The following GLRA1 variants were observed in gnomAD, a reference collection of about 807,000 sequenced individuals.
GLRA1 encodes the protein glycine receptor alpha 1, also known as glycine receptor subunit alpha-1.
A neutral mutation model predicts 48.3 loss-of-function variants in GLRA1; 37 were observed. The observed-to-expected ratio is 0.77, with a 90% confidence interval of 0.59 to 1.01. The LOEUF is 1.01. Ranked by LOEUF, GLRA1 falls within the 50% of genes least tolerant of loss-of-function variation. The pLI is 0.00. For missense variants in GLRA1, 427 were observed against 571.0 expected (o/e 0.75, Z 2.57); for synonymous variants, 196 against 210.7 (o/e 0.93, Z 0.60).
chr5:151,894,718 G>GTGAA (rs1326856654), intron 1 of GLRA1, among the ~76,000 whole-genome samples: 6 of 152,170 alleles, frequency 3.9e-5, no homozygotes, highest in Non-Finnish European at 7.3e-5. Flanking sequence ...TAATTGCACA[G>GTGAA]TGAATGAATG....
At chr5:151,899,829 G>A (rs768199218) in intron 1 of GLRA1, among the ~76,000 whole-genome samples, 1 of 152,050 alleles carries the variant, frequency 6.6e-6, no homozygotes, top group Non-Finnish European at 1.5e-5. Flanking sequence ...TCACCTCAGG[G>A]TCTTATGGAA....
At chr5:151,840,730 GAAA>G (rs1259146256) in intron 7 of GLRA1, among the ~76,000 whole-genome samples, 1 of 97,672 alleles carries the variant, frequency 1.0e-5, no homozygotes. Flanking sequence ...ACCAACATCA[GAAA>G]AAAAAAAAAC....
At chr5:151,838,481 G>C (rs907122359) in intron 7 of GLRA1, among the ~76,000 whole-genome samples, 3 of 151,924 alleles carry the variant, frequency 2.0e-5, no homozygotes, top group Admixed American at 2.0e-4. Flanking sequence ...AAAAAGAAAT[G>C]ATAAAGAAGA....
At chr5:151,920,780 G>A (rs1490316678) in intron 1 of GLRA1, among the ~76,000 whole-genome samples, 4 of 152,124 alleles carry the variant, frequency 2.6e-5, no homozygotes, top group Admixed American at 1.3e-4. Context: ...TCCTAGGCAC[G>A]TTCTGCAGTG....
At chr5:151,884,650 C>CT (rs758268220) in intron 3 of GLRA1, among the ~76,000 whole-genome samples, 54 of 152,106 alleles carry the variant, frequency 3.6e-4, no homozygotes, top group Non-Finnish European at 7.2e-4. Context: ...CTATATCTTT[C>CT]TTTTTTAGGA....
chr5:151,873,540 A>G (rs563436751), intron 3 of GLRA1, among the ~76,000 whole-genome samples: 1 of 151,918 alleles, frequency 6.6e-6, no homozygotes, highest in Non-Finnish European at 1.5e-5. Flanking sequence ...CACACCTGTA[A>G]TCCCAGCTAC....
intron 1 of GLRA1, among the ~76,000 whole-genome samples, chr5:151,919,279 A>C (rs1042133265): frequency 6.6e-6 from 1 of 152,238 alleles, no homozygotes; most frequent in African/African-American, 2.4e-5. Context: ...AAAACAAAAA[A>C]CAAAAACATA....
At chr5:151,909,986 T>G (rs1325264190) in intron 1 of GLRA1, among the ~76,000 whole-genome samples, 2 of 152,152 alleles carry the variant, frequency 1.3e-5, no homozygotes, top group African/African-American at 4.8e-5. Flanking sequence ...GTATGTACCA[T>G]CCATCACGTT....
At position 151,886,793 on chromosome 5, in the gene GLRA1, C is replaced by A. The variant is rs1753918346; in HGVS notation, c.185-5G>T. 1 of 1,608,968 alleles carries A rather than the reference C, an allele frequency of 6.2e-7. No homozygotes were observed. Among genetic ancestry groups the A allele is most frequent in the Non-Finnish European group, 8.5e-7 (1 of 1,175,310 alleles). ...AGCTCACGTTCACTGGGGGACCTGC[C>A]AATCAAGAGAGATTCCTGCTTAGCC... On this transcript the variant is annotated splice_polypyrimidine_tract_variant and splice_region_variant and intron_variant, in intron 2 of 8. Coordinates refer to ENST00000274576, the MANE Select transcript of GLRA1 (RefSeq NM_000171.4).
At chr5:151,842,056 T>TA (rs57043035) in intron 7 of GLRA1, among the ~76,000 whole-genome samples, 2,721 of 129,412 alleles carry the variant, frequency 0.021, 79 homozygotes, top group African/African-American at 0.065. Flanking sequence ...AAACTCCATC[T>TA]AAAAAAAAAA....
intron 1 of GLRA1, among the ~76,000 whole-genome samples, chr5:151,919,217 TG>T (rs143758039): frequency 0.016 from 2,471 of 152,260 alleles, 87 homozygotes; most frequent in African/African-American, 0.057. Context: ...TTAATAAAGA[TG>T]GGAAAAATAT....
chr5:151,831,512 A>G (rs1295715388), intron 7 of GLRA1, among the ~76,000 whole-genome samples: 1 of 152,210 alleles, frequency 6.6e-6, no homozygotes. Flanking sequence ...TTTCCCCCTC[A>G]CAGTGTAAAC....
intron 1 of GLRA1, among the ~76,000 whole-genome samples, chr5:151,915,911 G>A (rs1168232731): frequency 6.6e-6 from 1 of 152,060 alleles, no homozygotes; most frequent in Non-Finnish European, 1.5e-5. Flanking sequence ...GCCAAGAGTA[G>A]GAAGAACAAG....
chr5:151,838,528 C>G (rs144581876), intron 7 of GLRA1, among the ~76,000 whole-genome samples: 1,782 of 151,996 alleles, frequency 0.012, 25 homozygotes, highest in Admixed American at 0.029. Context: ...AGTAAAATAA[C>G]TGAAATGAAA....
chr5:151,922,493 C>T (rs1426029646), intron 1 of GLRA1, among the ~76,000 whole-genome samples: 1 of 152,190 alleles, frequency 6.6e-6, no homozygotes, highest in East Asian at 1.9e-4. Flanking sequence ...AGTAGCCGTT[C>T]CTATATTTTG....
chr5:151,890,868 T>C (rs1298471362), intron 2 of GLRA1, among the ~76,000 whole-genome samples: 1 of 152,186 alleles, frequency 6.6e-6, no homozygotes, highest in Non-Finnish European at 1.5e-5. Flanking sequence ...CTGGAAGCTA[T>C]GGCCTCAGGA....
intron 7 of GLRA1, among the ~76,000 whole-genome samples, chr5:151,831,371 A>G (rs1268829700): frequency 6.6e-6 from 1 of 152,218 alleles, no homozygotes; most frequent in Non-Finnish European, 1.5e-5. Context: ...TCCCATCCCC[A>G]CGGAGCCCAG....
chr5:151,838,960 C>T (rs1369815734), intron 7 of GLRA1, among the ~76,000 whole-genome samples: 2 of 152,136 alleles, frequency 1.3e-5, no homozygotes, highest in South Asian at 2.1e-4. Context: ...GCAACCTCCA[C>T]CTCCCAGGTT....
chr5:151,894,270 C>T (rs1302153092), intron 1 of GLRA1, among the ~76,000 whole-genome samples: 7 of 152,170 alleles, frequency 4.6e-5, no homozygotes, highest in Admixed American at 4.6e-4. Context: ...CTGGTCTCAT[C>T]AGTTGTAACT....
Sources: gnomAD v4.1 joint callset for allele counts (sites outside exome capture counted in the v4.1 genomes callset) on GRCh38, gnomAD v4.1.1 for gene constraint, MANE v1.5 for transcripts, NCBI Gene and HGNC (gene_info 2026-07-23, HGNC 2026-07-21) for gene names.